Variants in CCN3 observed in about 807,000 individuals in gnomAD.
CCN3 encodes the protein cellular communication network factor 3.
CCN3 carries 20 observed loss-of-function variants against 33.4 expected under a neutral mutation model. That is an observed-to-expected ratio of 0.60 (90% CI 0.42 to 0.87). The LOEUF (loss-of-function observed/expected upper bound fraction) is 0.87, where lower values mean the gene tolerates loss of function less well. Ranked by LOEUF, CCN3 falls within the 40% of genes least tolerant of loss-of-function variation. The pLI is 0.00. For synonymous variants in CCN3, 205 were observed against 170.4 expected (o/e 1.20, Z -1.58); for missense variants, 465 against 455.3 (o/e 1.02, Z -0.19).
chr8:119,416,496 G>T lies in CCN3; in HGVS notation c.-37G>T. 6.3e-7 allele frequency: 1 copy of T among 1,595,312 alleles called. No individual in the cohort carries two copies. The highest frequency in any genetic ancestry group is 8.6e-7 in the Non-Finnish European group (1 of 1,164,852). On this transcript the variant is annotated 5_prime_UTR_variant, in exon 1 of 5. Transcript: ENST00000259526. ...GCAGTGCCAATCTACAGCGAAGAAA[G>T]TCTCGTTTGGTAAAAGCGAGAGGGG...
At chr8:119,417,863 G>A (rs535187360) in intron 2 of CCN3, among the ~76,000 whole-genome samples, 195 bp from the exon 3 acceptor site, 15 of 152,224 alleles carry the variant, frequency 9.9e-5, no homozygotes, top group African/African-American at 3.6e-4. Context: ...GATCTTGAAG[G>A]TTTCTTCTTG....
chr8:119,423,305 T>A lies in CCN3; in HGVS notation c.*173T>A. The A allele has an allele frequency of 3.4e-6, 2 of 579,870 alleles. No individual in the cohort carries two copies. The highest frequency in any genetic ancestry group is 5.8e-6 in the Non-Finnish European group (2 of 343,292). 35.9% of individuals were successfully genotyped at this position (579,870 alleles called of 1,614,324 possible). A position where few individuals can be genotyped will look rare whatever the true frequency, so the allele number is the denominator to read the frequency against. On this transcript the variant is annotated 3_prime_UTR_variant, in exon 5 of 5. Transcript: ENST00000259526. ...TCTGTCTTTTATTTAACAAAAAATG[T>A]AATTAACTGTAAACTTGGAATCAAG...
At chr8:119,416,641 C>T (rs774058458) in intron 1 of CCN3, 25 bp downstream of exon 1, 3 of 1,609,332 alleles carry the variant, frequency 1.9e-6, no homozygotes, top group East Asian at 4.5e-5. Flanking sequence ...CTTAAGATGC[C>T]CCCAAGTTAC....
chr8:119,418,727 G>A (rs1469458167), intron 3 of CCN3, among the ~76,000 whole-genome samples: 1 of 152,150 alleles, frequency 6.6e-6, no homozygotes, highest in Non-Finnish European at 1.5e-5. Context: ...ACTCATCCCT[G>A]CACAGGTGTC....
At position 119,422,620 on chromosome 8, in the gene CCN3, C is replaced by T. The variant is rs182768754; in HGVS notation, c.778-216C>T. Among the ~76,000 whole-genome samples, 45 of 152,216 alleles carry T rather than the reference C, an allele frequency of 3.0e-4. 1 individual carries two copies. In the South Asian group the frequency reaches 5.8e-3, roughly 20 times the overall value. On this transcript the variant is annotated intron_variant, in intron 4 of 4. Transcript: ENST00000259526. ...AAAGAATTTCCCAGATTCTCTTGGC[C>T]AGAACTTTGCCACAAGGTTATCCCA...
At chr8:119,418,405 C>A in intron 3 of CCN3, 96 bp downstream of exon 3, 1 of 1,467,946 alleles carries the variant, frequency 6.8e-7, no homozygotes, top group Non-Finnish European at 9.2e-7. Context: ...AGAAACTGGC[C>A]TCAGTTTCTG....
chr8:119,416,600 T>C lies in CCN3; in HGVS notation c.68T>C (p.Leu23Pro), dbSNP rs1820050607. Residue 23 changes from leucine to proline, a missense_variant, in exon 1 of 5, where the codon CTC (leucine) becomes CCC (proline). Transcript: ENST00000259526. ...TGCCTTTGCCTGACCTTCCTGCTTC[T>C]CCATCTCCTGGGACAGGTAAGTGGC... ...KQCLCLTFLL[L>P]HLLGQVAATQ... 1 of 1,613,734 alleles carries C rather than the reference T, an allele frequency of 6.2e-7. No homozygotes were observed. The highest frequency in any genetic ancestry group is 1.3e-5 in the African/African-American group (1 of 74,942).
At position 119,416,572 on chromosome 8, in the gene CCN3, CA is replaced by C. The variant is rs776334209; in HGVS notation, c.41del (p.Gln14ArgfsTer5). On this transcript the variant is annotated frameshift_variant, in exon 1 of 5. Transcript: ENST00000259526. LOFTEE classifies it high-confidence loss of function. Reference sequence around the variant, plus strand: ...GAGCACGAGCTTTTGTCTCCGAAAGCAGTGCCTTTGCCTGACCTTCCTGCTT... The same window carrying C: ...GAGCACGAGCTTTTGTCTCCGAAAGCGTGCCTTTGCCTGACCTTCCTGCTT... ...VQSTSFCLRK[Q>X]CLCLTFLLLH... 6.2e-7 allele frequency: 1 copy of C among 1,614,068 alleles called. No individual in the cohort carries two copies. The highest frequency in any genetic ancestry group is 8.5e-7 in the Non-Finnish European group (1 of 1,179,992).
In CCN3 at chr8:119,418,314, G is replaced by A. The variant is rs751386495; in HGVS notation, c.562+5G>A. 5 of 1,613,788 alleles carry A rather than the reference G, an allele frequency of 3.1e-6. No individual in the cohort carries two copies. The East Asian group carries it at 1.1e-4, about 36-fold the overall frequency. On this transcript the variant is annotated splice_donor_5th_base_variant and intron_variant, in intron 3 of 4. Coordinates refer to ENST00000259526, the MANE Select transcript of CCN3 (RefSeq NM_002514.4). ...TGGGAGGCCTTACCCTTGCAGGTGA[G>A]AAACTCAATATACCTAGGGCTGGTC...
In CCN3 at chr8:119,423,252, C is replaced by T; in HGVS notation, c.*120C>T. Reference sequence around the variant, plus strand: ...TCATCCTTGAATCCTATGTATTTTCCTAATGTGATCATATGAGGACCTTTA... The same window carrying T: ...TCATCCTTGAATCCTATGTATTTTCTTAATGTGATCATATGAGGACCTTTA... On this transcript the variant is annotated 3_prime_UTR_variant, in exon 5 of 5. Transcript: ENST00000259526. 2 of 996,196 alleles carry T rather than the reference C, an allele frequency of 2.0e-6. No individual in the cohort carries two copies. Among genetic ancestry groups the T allele is most frequent in the Admixed American group, 2.5e-5 (1 of 40,458 alleles). The allele number at this position is 996,196 out of a possible 1,614,324, so 61.7% of individuals were successfully genotyped here.
intron 4 of CCN3, among the ~76,000 whole-genome samples, chr8:119,419,673 T>G (rs571932299): frequency 6.6e-6 from 1 of 152,372 alleles, no homozygotes; most frequent in Non-Finnish European, 1.5e-5. Flanking sequence ...CAAGCACAGC[T>G]GATTCTAAAG....
intron 4 of CCN3, 23 bp from the exon 5 acceptor site, chr8:119,422,813 A>G (rs775595538): frequency 6.3e-7 from 1 of 1,579,838 alleles, no homozygotes; most frequent in South Asian, 1.2e-5. Context: ...CATTCAATAC[A>G]TCACTTCTTT....
At chr8:119,418,431 G>A (rs1563616309) in intron 3 of CCN3, 122 bp downstream of exon 3, 1 of 1,281,280 alleles carries the variant, frequency 7.8e-7, no homozygotes, top group Admixed American at 2.4e-5. Context: ...TCAGTTGTGG[G>A]TTTCAGGTTG....
chr8:119,422,904 C>T lies in CCN3; in HGVS notation c.846C>T (p.Thr282=). 6.2e-7 allele frequency: 1 copy of T among 1,614,018 alleles called. No individual in the cohort carries two copies. The highest frequency in any genetic ancestry group is 1.1e-5 in the South Asian group (1 of 91,066). ...TCCACCTGCAGTTCAAGAACTGCAC[C>T]AGCCTGCACACCTACAAGCCCAGGT... The part of the protein sequence containing the change: ...KAIHLQFKNC[T]SLHTYKPRFC... Residue 282 remains threonine (T), a synonymous_variant, in exon 5 of 5, where the codon ACC becomes ACT. Coordinates refer to ENST00000259526, the MANE Select transcript of CCN3 (RefSeq NM_002514.4).
At chr8:119,420,294 A>G (rs1820105950) in intron 4 of CCN3, among the ~76,000 whole-genome samples, 1 of 152,192 alleles carries the variant, frequency 6.6e-6, no homozygotes, top group Non-Finnish European at 1.5e-5. Context: ...CTTCTCCCAC[A>G]TAATGGGGCG....
intron 4 of CCN3, among the ~76,000 whole-genome samples, chr8:119,419,691 T>C (rs989272732): frequency 6.6e-6 from 1 of 152,242 alleles, no homozygotes; most frequent in South Asian, 2.1e-4. Flanking sequence ...AAGAGGTCAC[T>C]TCTGACCTCA....
chr8:119,417,691 C>T (rs1482134126), intron 2 of CCN3, among the ~76,000 whole-genome samples: 1 of 152,164 alleles, frequency 6.6e-6, no homozygotes, highest in Admixed American at 6.5e-5. Flanking sequence ...ACATAAAGTA[C>T]ACTTTTTCTC....
chr8:119,417,935 G>A, intron 2 of CCN3, 123 bp from the exon 3 acceptor site: 1 of 978,280 alleles, frequency 1.0e-6, no homozygotes, highest in East Asian at 2.4e-5. Context: ...CAGATCGCCT[G>A]AACTAGAAAA....
intron 4 of CCN3, 108 bp downstream of exon 4, chr8:119,419,453 A>G: frequency 9.0e-7 from 1 of 1,110,976 alleles, no homozygotes; most frequent in Non-Finnish European, 1.3e-6. Flanking sequence ...GAGCAGCTAT[A>G]GCGGGGAGTT....
Sources: gnomAD v4.1 joint callset for allele counts (sites outside exome capture counted in the v4.1 genomes callset) on GRCh38, gnomAD v4.1.1 for gene constraint, MANE v1.5 for transcripts, NCBI Gene and HGNC (gene_info 2026-07-23, HGNC 2026-07-21) for gene names.